GRM1: variants seen among roughly 807,000 people sequenced by gnomAD.
GRM1 encodes glutamate metabotropic receptor 1.
In GRM1, 33 loss-of-function variants were observed where a neutral mutation model predicts 90.9. The ratio of observed to expected loss-of-function variants is 0.36; its 90% CI spans 0.28 to 0.49. The LOEUF is 0.49. Among genes scored for constraint, GRM1 ranks in the 20% least tolerant of loss-of-function variants. GRM1 has a pLI of 0.99. For synonymous variants in GRM1, 700 were observed against 613.2 expected, an observed-to-expected ratio of 1.14 and a Z score of -2.09; for missense variants, 1,190 against 1,534.3, an observed-to-expected ratio of 0.78 and a Z score of 3.75.
chr6:146,318,697 T>C (rs905970836), intron 3 of GRM1, among the ~76,000 whole-genome samples: 1 of 152,222 alleles, frequency 6.6e-6, no homozygotes, highest in Non-Finnish European at 1.5e-5. Flanking sequence ...ATCACCATTC[T>C]AAATGGCAAG....
chr6:146,215,370 T>C (rs9497489), intron 2 of GRM1, among the ~76,000 whole-genome samples: 33,414 of 152,026 alleles, frequency 0.22, 7,579 homozygotes, highest in African/African-American at 0.58. Context: ...CTCTCTGGCC[T>C]TTGTCTCTTT....
At chr6:146,148,540 C>A (rs891518300) in intron 1 of GRM1, among the ~76,000 whole-genome samples, 1 of 151,986 alleles carries the variant, frequency 6.6e-6, no homozygotes, top group African/African-American at 2.4e-5. Flanking sequence ...TAAATACATA[C>A]CAACCTCCTA....
intron 1 of GRM1, among the ~76,000 whole-genome samples, chr6:146,112,788 C>T (rs534956592): frequency 1.8e-4 from 28 of 152,264 alleles, no homozygotes; most frequent in Non-Finnish European, 3.4e-4. Context: ...CAATTCAGCT[C>T]CCCTTTGAAT....
chr6:146,104,230 G>GGAGA (rs1263706457), intron 1 of GRM1, among the ~76,000 whole-genome samples: 2 of 152,152 alleles, frequency 1.3e-5, no homozygotes, highest in African/African-American at 4.8e-5. Context: ...CACGAGGTCA[G>GGAGA]GAGATTGAGA....
chr6:146,071,849 A>G (rs1776027047), intron 1 of GRM1, among the ~76,000 whole-genome samples: 1 of 152,184 alleles, frequency 6.6e-6, no homozygotes, highest in Non-Finnish European at 1.5e-5. Context: ...TTTACCAGTC[A>G]TTCAATGGAG....
chr6:146,097,764 T>C (rs946125956), intron 1 of GRM1, among the ~76,000 whole-genome samples: 1 of 152,222 alleles, frequency 6.6e-6, no homozygotes, highest in Admixed American at 6.5e-5. Context: ...TTCAAATTCA[T>C]GCATCGTTGA....
At chr6:146,190,793 A>G (rs1223165644) in intron 2 of GRM1, among the ~76,000 whole-genome samples, 1 of 151,980 alleles carries the variant, frequency 6.6e-6, no homozygotes, top group East Asian at 1.9e-4. Flanking sequence ...CAACCTCCTA[A>G]TTGACTTTCT....
chr6:146,270,896 TCTTTCTTTCTTTCTTTCTTCCTTCCTTC>T (rs1445163663), intron 2 of GRM1, among the ~76,000 whole-genome samples: 8 of 113,742 alleles, frequency 7.0e-5, no homozygotes, highest in Admixed American at 5.4e-4. Flanking sequence ...TTTCTTTCTT[TCTTTCTTTCTTTCTTTCTTCCTTCCTTC>T]CTTCCTTCCT....
intron 1 of GRM1, among the ~76,000 whole-genome samples, chr6:146,153,401 C>A (rs1173330147): frequency 2.6e-5 from 4 of 152,140 alleles, no homozygotes; most frequent in Non-Finnish European, 5.9e-5. Context: ...TGTACAAATA[C>A]AATTTTTAAA....
chr6:146,422,797 A>T (rs191887913), intron 7 of GRM1, among the ~76,000 whole-genome samples: 1 of 152,318 alleles, frequency 6.6e-6, no homozygotes, highest in East Asian at 1.9e-4. Context: ...TCAAAGAGAG[A>T]TAGGCTGTTA....
chr6:146,321,390 A>G (rs1379056905), intron 3 of GRM1, among the ~76,000 whole-genome samples: 1 of 152,142 alleles, frequency 6.6e-6, no homozygotes, highest in East Asian at 1.9e-4. Flanking sequence ...ACTTCCAATT[A>G]TGTGGTCAAT....
chr6:146,036,943 A>G (rs1364503519), intron 1 of GRM1, among the ~76,000 whole-genome samples: 1 of 151,984 alleles, frequency 6.6e-6, no homozygotes, highest in East Asian at 1.9e-4. Context: ...TACTACTAAT[A>G]TTTGTTGGAA....
chr6:146,079,819 A>G (rs896595754), intron 1 of GRM1, among the ~76,000 whole-genome samples: 3 of 152,256 alleles, frequency 2.0e-5, no homozygotes, highest in African/African-American at 7.2e-5. Flanking sequence ...TAGAGGAACT[A>G]TCAGTGGAAT....
At chr6:146,350,353 C>T (rs1193071428) in intron 3 of GRM1, among the ~76,000 whole-genome samples, 6 of 151,416 alleles carry the variant, frequency 4.0e-5, no homozygotes, top group Admixed American at 3.9e-4. Flanking sequence ...TATTTTTCTA[C>T]AGTTTGACCC....
intron 2 of GRM1, among the ~76,000 whole-genome samples, chr6:146,170,282 GC>G (rs1221405775): frequency 6.6e-6 from 1 of 151,952 alleles, no homozygotes; most frequent in African/African-American, 2.4e-5. Context: ...GTTCATTCTT[GC>G]ATATGTAGAT....
At chr6:146,068,962 T>A (rs1582956579) in intron 1 of GRM1, among the ~76,000 whole-genome samples, 2 of 152,362 alleles carry the variant, frequency 1.3e-5, no homozygotes, top group South Asian at 4.1e-4. Flanking sequence ...GAAATTTATG[T>A]TTCAGATTGG....
chr6:146,247,711 A>G (rs1781110253), intron 2 of GRM1, among the ~76,000 whole-genome samples: 1 of 148,434 alleles, frequency 6.7e-6, no homozygotes, highest in Non-Finnish European at 1.5e-5. Context: ...AGATTGTGCC[A>G]CTGCTCCCTA....
At chr6:146,167,647 T>C (rs1777957832) in intron 2 of GRM1, among the ~76,000 whole-genome samples, 1 of 152,136 alleles carries the variant, frequency 6.6e-6, no homozygotes, top group African/African-American at 2.4e-5. Context: ...CTAATAATGT[T>C]GAGCATTTTT....
chr6:146,365,794 C>T (rs1375914917), intron 5 of GRM1, among the ~76,000 whole-genome samples: 1 of 152,118 alleles, frequency 6.6e-6, no homozygotes, highest in African/African-American at 2.4e-5. Flanking sequence ...AATGGTAACC[C>T]CGTATTTCAG....
Sources: gnomAD v4.1 joint callset for allele counts (sites outside exome capture counted in the v4.1 genomes callset) on GRCh38, gnomAD v4.1.1 for gene constraint, MANE v1.5 for transcripts, NCBI Gene and HGNC (gene_info 2026-07-23, HGNC 2026-07-21) for gene names.